The following FGGY variants were observed in gnomAD, a reference collection of about 807,000 sequenced individuals.
FGGY encodes the protein FGGY carbohydrate kinase domain containing.
A neutral mutation model predicts 71.3 loss-of-function variants in FGGY; 72 were observed. The observed-to-expected ratio is 1.01, with a 90% CI of 0.84 to 1.23. The LOEUF (loss-of-function observed/expected upper bound fraction) is 1.23, where lower values mean the gene tolerates loss of function less well. Among genes scored for constraint, FGGY ranks in the 50% most tolerant of loss-of-function variants. The pLI is 0.00. For synonymous variants in FGGY, 251 were observed against 250.3 expected (o/e 1.00, Z -0.02); for missense variants, 668 against 682.3 (o/e 0.98, Z 0.23).
chr1:59,353,706 T>C (rs867261888), intron 4 of FGGY, among the ~76,000 whole-genome samples: 1 of 152,152 alleles, frequency 6.6e-6, no homozygotes, highest in Admixed American at 6.5e-5. Flanking sequence ...ACAGATATTA[T>C]CTCTTTTTAT....
Position 59,394,538 on chromosome 1 carries a change from C to T in FGGY, c.554+15701C>T, listed in dbSNP as rs193192240. On this transcript the variant is annotated intron_variant, in intron 5 of 15. Transcript: ENST00000303721. ...GGCTTGTTGCGGGATTGAACAGGTT[C>T]AAGTGTATAAAGCTCATAGTACAAC... is the stretch of plus-strand genomic sequence containing the variant. 1.2e-4 allele frequency among the ~76,000 whole-genome samples: 18 copies of T among 152,236 alleles called. No homozygotes were observed. The East Asian group carries it at 3.5e-3, about 29-fold the overall frequency.
rs550431976 is a variant in FGGY, at chr1:59,434,702, C to T, written c.555-22259C>T. 2.6e-5 allele frequency among the ~76,000 whole-genome samples: 4 copies of T among 152,272 alleles called. No individual in the cohort carries two copies. The East Asian group carries it at 7.7e-4, about 29-fold the overall frequency. On this transcript the variant is annotated intron_variant, in intron 5 of 15. Transcript: ENST00000303721. ...TAGGTAGCCATCTCCTCTGTGTCCTCAAAAGACGGGAGGAGTAAATGAGCT... is the reference window on the plus strand; with the variant it reads ...TAGGTAGCCATCTCCTCTGTGTCCTTAAAAGACGGGAGGAGTAAATGAGCT...
At chr1:59,664,298 T>C (rs1421677763) in intron 12 of FGGY, among the ~76,000 whole-genome samples, 2 of 152,178 alleles carry the variant, frequency 1.3e-5, no homozygotes, top group Admixed American at 6.5e-5. Flanking sequence ...GGGTGGAGTA[T>C]TACACAGATT....
At chr1:59,332,418 C>G (rs968708560) in intron 2 of FGGY, among the ~76,000 whole-genome samples, 2 of 152,134 alleles carry the variant, frequency 1.3e-5, no homozygotes, top group East Asian at 3.8e-4. Flanking sequence ...AGGTCAAGCC[C>G]CAGAGGCCTT....
At chr1:59,313,888 C>T (rs1338710445) in intron 1 of FGGY, among the ~76,000 whole-genome samples, 2 of 152,072 alleles carry the variant, frequency 1.3e-5, no homozygotes, top group African/African-American at 4.8e-5. Context: ...ATATCCAGAT[C>T]TCACATATCA....
intron 10 of FGGY, among the ~76,000 whole-genome samples, chr1:59,637,800 T>G (rs1278115390): frequency 2.0e-5 from 3 of 152,194 alleles, no homozygotes; most frequent in Non-Finnish European, 4.4e-5. Context: ...AATACTGATT[T>G]TAATAAATTA....
intron 6 of FGGY, among the ~76,000 whole-genome samples, chr1:59,489,077 TA>T (rs2093743956): frequency 6.6e-6 from 1 of 152,150 alleles, no homozygotes; most frequent in Non-Finnish European, 1.5e-5. Flanking sequence ...ATTTGGAGGT[TA>T]TTTTTAAAAA....
intron 5 of FGGY, among the ~76,000 whole-genome samples, chr1:59,391,563 T>C (rs759608308): frequency 1.2e-4 from 18 of 152,126 alleles, no homozygotes; most frequent in Admixed American, 8.5e-4. Context: ...TAGAAAAGGG[T>C]GAGAAGCCCC....
intron 11 of FGGY, among the ~76,000 whole-genome samples, chr1:59,656,886 A>G (rs1035001080): frequency 1.3e-5 from 2 of 152,224 alleles, no homozygotes; most frequent in Non-Finnish European, 2.9e-5. Context: ...ATTTAAATTT[A>G]GTGCTCAATT....
intron 5 of FGGY, among the ~76,000 whole-genome samples, chr1:59,441,070 C>G (rs984805954): frequency 2.0e-5 from 3 of 152,048 alleles, no homozygotes; most frequent in African/African-American, 7.2e-5. Flanking sequence ...TTTTGTGCTC[C>G]CATAAAGCTT....
intron 5 of FGGY, among the ~76,000 whole-genome samples, chr1:59,421,819 A>G (rs1395063680): frequency 6.6e-6 from 1 of 150,398 alleles, no homozygotes; most frequent in Non-Finnish European, 1.5e-5. Context: ...CTAGACTACC[A>G]CTCCACAGTC....
At chr1:59,589,947 C>A (rs1018267514) in intron 8 of FGGY, among the ~76,000 whole-genome samples, 2 of 151,866 alleles carry the variant, frequency 1.3e-5, no homozygotes, top group Non-Finnish European at 2.9e-5. Flanking sequence ...CACAGCAGAA[C>A]TGAAGGAAAT....
intron 14 of FGGY, among the ~76,000 whole-genome samples, chr1:59,753,191 T>C (rs982122669): frequency 6.6e-6 from 1 of 151,934 alleles, no homozygotes; most frequent in African/African-American, 2.4e-5. Context: ...ATTGTGGGGG[T>C]GACTATATTT....
chr1:59,666,577 A>G (rs2097327973), intron 12 of FGGY, among the ~76,000 whole-genome samples: 1 of 152,250 alleles, frequency 6.6e-6, no homozygotes, highest in African/African-American at 2.4e-5. Flanking sequence ...CAAGACAGAC[A>G]TGAGGATAAT....
At chr1:59,589,352 C>A (rs889640688) in intron 8 of FGGY, among the ~76,000 whole-genome samples, 50 of 151,988 alleles carry the variant, frequency 3.3e-4, no homozygotes, top group Non-Finnish European at 6.3e-4. Context: ...ACTTTAACAC[C>A]CCACTGTCAA....
At position 59,591,176 on chromosome 1, in the gene FGGY, G is replaced by A. The variant is rs1268685403; in HGVS notation, c.904-16627G>A. Among the ~76,000 whole-genome samples, 23 of 152,100 alleles carry A rather than the reference G, an allele frequency of 1.5e-4. 1 individual carries two copies. The highest frequency in any genetic ancestry group is 1.5e-3 in the Admixed American group (23 of 15,268). On this transcript the variant is annotated intron_variant, in intron 8 of 15. Coordinates refer to ENST00000303721, the MANE Select transcript of FGGY (RefSeq NM_018291.5). ...AAAGAGAGAGCCAAATAATGAGTGA[G>A]CTCCCATTTACAATTGCTTCAAAAA... is the stretch of plus-strand genomic sequence containing the variant.
At chr1:59,631,396 C>G (rs1251473734) in intron 10 of FGGY, among the ~76,000 whole-genome samples, 1 of 152,114 alleles carries the variant, frequency 6.6e-6, no homozygotes, top group Non-Finnish European at 1.5e-5. Context: ...AATGTTAGTT[C>G]GGTTTCCTTC....
chr1:59,593,802 GA>G (rs1032019581), intron 8 of FGGY, among the ~76,000 whole-genome samples: 6 of 152,096 alleles, frequency 3.9e-5, no homozygotes, highest in Non-Finnish European at 8.8e-5. Flanking sequence ...TTTTTCACAG[GA>G]CCTGACACAT....
At chr1:59,589,388 A>G (rs557953427) in intron 8 of FGGY, among the ~76,000 whole-genome samples, 11 of 152,292 alleles carry the variant, frequency 7.2e-5, no homozygotes, top group African/African-American at 2.6e-4. Flanking sequence ...CGAGACAGAA[A>G]GTTAACAAGG....
Sources: allele counts gnomAD v4.1 joint callset (sites outside exome capture counted in the v4.1 genomes callset), GRCh38; gene constraint gnomAD v4.1.1; transcripts MANE v1.5; gene names NCBI Gene and HGNC (gene_info 2026-07-23, HGNC 2026-07-21).